MMRN2: variants seen among roughly 807,000 people sequenced by gnomAD.
The protein encoded by MMRN2 is multimerin 2.
Under a neutral mutation model 68.8 loss-of-function variants are expected in MMRN2, and 53 were observed. That is an observed-to-expected ratio of 0.77 (90% CI 0.62 to 0.97). MMRN2 has a LOEUF of 0.97. MMRN2 is among the 50% of genes least tolerant of loss of function. MMRN2 has a pLI of 0.00. For missense variants in MMRN2, 1,266 were observed against 1,259.5 expected (o/e 1.01, Z -0.08); for synonymous variants, 564 against 551.6 (o/e 1.02, Z -0.32).
Position 86,942,409 on chromosome 10 carries a change from C to A in MMRN2, c.2375G>T (p.Arg792Leu), listed in dbSNP as rs771425042. Residue 792 changes from arginine to leucine, a missense_variant, in exon 6 of 7, where the codon CGG (arginine) becomes CTG (leucine). Arg to Leu is a moderately radical substitution (Grantham distance 102, BLOSUM62 -2). Coordinates refer to ENST00000372027, the MANE Select transcript of MMRN2 (RefSeq NM_024756.3). ...CTCCGCTTCCTTCTTGTCCCTCTTC[C>A]GGGGAGCTTCCAGGTCTTTCTGCTG... Reference protein sequence around the residue: ...KKQQKDLEAPRKRDKKEAEPL... With the variant: ...KKQQKDLEAPLKRDKKEAEPL... 18 of 1,614,216 alleles carry A rather than the reference C, an allele frequency of 1.1e-5. 1 individual carries two copies. The South Asian group carries it at 1.9e-4, about 17-fold the overall frequency.
At position 86,943,647 on chromosome 10, in the gene MMRN2, G is replaced by A. The variant is rs1844018365; in HGVS notation, c.1137C>T (p.Asn379=). The change falls in exon 6 of 7, where the codon AAC becomes AAT. Residue 379 remains asparagine (N), a synonymous_variant. Transcript: ENST00000372027. The surrounding 1 kb of genome is among the most constrained non-coding windows in gnomAD (Gnocchi z 4.2). ...LQARLGQLQR[N]LSELHMTTAR... is the part of the protein sequence containing the mutation. ...CCGTGGTCATGTGCAGCTCTGAGAG[G>A]TTCCTCTGCAGCTGGCCCAGCCTGG... The A allele has an allele frequency of 1.2e-6, 2 of 1,613,106 alleles. No homozygotes were observed. Among genetic ancestry groups the A allele is most frequent in the African/African-American group, 1.3e-5 (1 of 75,064 alleles).
chr10:86,957,074 G>A (rs1201524993), intron 1 of MMRN2, among the ~76,000 whole-genome samples: 1 of 152,228 alleles, frequency 6.6e-6, no homozygotes, highest in Non-Finnish European at 1.5e-5. Context: ...AGCTGGCAAT[G>A]GCTTCAGCCA....
chr10:86,950,526 A>G (rs1844132444), intron 1 of MMRN2, among the ~76,000 whole-genome samples: 1 of 152,172 alleles, frequency 6.6e-6, no homozygotes, highest in South Asian at 2.1e-4. Flanking sequence ...AGAAAGCACA[A>G]GATCAGGAAA....
chr10:86,943,949 T>C lies in MMRN2; in HGVS notation c.835A>G (p.Ser279Gly), dbSNP rs1455939544. ...TGGAAGTCAGCCCTGGCCACGGCAC[T>C]GTCCTGGACTCTGGAGATGGCCTGG... ...NRQAISRVQD[S>G]AVARADFQEL... is the part of the protein sequence containing the mutation. Residue 279 changes from serine (S) to glycine (G), a missense_variant, in exon 6 of 7, where the codon AGT becomes GGT. Physicochemically the swap from Ser to Gly is moderately conservative, Grantham distance 56. Coordinates refer to ENST00000372027, the MANE Select transcript of MMRN2 (RefSeq NM_024756.3). The surrounding 1 kb of genome is among the most constrained non-coding windows in gnomAD (Gnocchi z 4.2). 1 of 1,614,192 alleles carries C rather than the reference T, an allele frequency of 6.2e-7. No homozygotes were observed. The highest frequency in any genetic ancestry group is 1.1e-5 in the South Asian group (1 of 91,088).
At chr10:86,944,543 TGATGTC>T in intron 4 of MMRN2, 108 bp from the exon 5 acceptor site, 1 of 1,231,776 alleles carries the variant, frequency 8.1e-7, no homozygotes, top group Non-Finnish European at 1.2e-6. Flanking sequence ...AGTTAGCTGC[TGATGTC>T]CTCTGAGCAG....
chr10:86,953,549 GGGA>G lies in MMRN2; in HGVS notation c.164+3826_164+3828del, dbSNP rs552017053. Reference sequence around the variant, plus strand: ...CTCTCTTAGACCAGTGGTTCTCAATGGGAGGAGAGGGTACTTTCCCCAGGTGCA... The same window carrying G: ...CTCTCTTAGACCAGTGGTTCTCAATGGGAGAGGGTACTTTCCCCAGGTGCA... On this transcript the variant is annotated intron_variant, in intron 1 of 6. Coordinates refer to ENST00000372027, the MANE Select transcript of MMRN2 (RefSeq NM_024756.3). Among the ~76,000 whole-genome samples, 489 of 152,280 alleles carry G rather than the reference GGGA, an allele frequency of 3.2e-3. 2 individuals carry two copies. The highest frequency in any genetic ancestry group is 6.0e-3 in the Non-Finnish European group (406 of 68,018).
chr10:86,955,357 C>A (rs1844206994), intron 1 of MMRN2, among the ~76,000 whole-genome samples: 1 of 152,214 alleles, frequency 6.6e-6, no homozygotes, highest in South Asian at 2.1e-4. Flanking sequence ...TGGGCTGGGC[C>A]CCTCGGGGTC....
chr10:86,939,257 A>C (rs1460205553), intron 6 of MMRN2, among the ~76,000 whole-genome samples: 5 of 151,494 alleles, frequency 3.3e-5, no homozygotes, highest in Non-Finnish European at 4.4e-5. Flanking sequence ...AGGTCAGGAG[A>C]TAGAGACCAG....
At position 86,957,262 on chromosome 10, in the gene MMRN2, T is replaced by C. The variant is rs552641072; in HGVS notation, c.164+116A>G. ...GCCTCACAGATGGCCCAGAGATAGATACTATTAGCCCATTTCACAGATGGG... is the reference window on the plus strand; with the variant it reads ...GCCTCACAGATGGCCCAGAGATAGACACTATTAGCCCATTTCACAGATGGG... On this transcript the variant is annotated intron_variant, in intron 1 of 6. Transcript: ENST00000372027. The C allele has an allele frequency of 5.2e-5, 55 of 1,067,402 alleles. No individual in the cohort carries two copies. The South Asian group carries it at 6.6e-4, about 13-fold the overall frequency. 66.1% of individuals were successfully genotyped at this position (1,067,402 alleles called of 1,614,324 possible).
rs1843879974 is a variant in MMRN2 at position 86,936,473 on chromosome 10, G to T, written c.*270C>A. 1 of 553,024 alleles carries T rather than the reference G, an allele frequency of 1.8e-6. No individual in the cohort carries two copies. The highest frequency in any genetic ancestry group is 3.1e-5 in the Admixed American group (1 of 32,008). 34.3% of individuals were successfully genotyped at this position (553,024 alleles called of 1,614,324 possible). A position where few individuals can be genotyped will look rare whatever the true frequency, so the allele number is the denominator to read the frequency against. ...GGTGTGGTGAAGAGTTGGAGCCCAG[G>T]CCGTGCTGTCTGAGAAGGCATGCCA... On this transcript the variant is annotated 3_prime_UTR_variant, in exon 7 of 7. Transcript: ENST00000372027.
At chr10:86,944,506 A>C in intron 4 of MMRN2, 71 bp from the exon 5 acceptor site, 5 of 1,551,090 alleles carry the variant, frequency 3.2e-6, no homozygotes, top group Middle Eastern at 2.3e-4. Flanking sequence ...GGTTCAGAGA[A>C]GGAGAGTTGA....
At chr10:86,938,024 TC>T (rs940215574) in intron 6 of MMRN2, among the ~76,000 whole-genome samples, 5 of 152,128 alleles carry the variant, frequency 3.3e-5, no homozygotes, top group African/African-American at 1.2e-4. Flanking sequence ...AGCCTCAACT[TC>T]CTGGGCTCAA....
At chr10:86,950,628 G>C (rs1844133903) in intron 1 of MMRN2, among the ~76,000 whole-genome samples, 1 of 152,188 alleles carries the variant, frequency 6.6e-6, no homozygotes, top group African/African-American at 2.4e-5. Flanking sequence ...AACACACCTG[G>C]AGGCTCTGGG....
intron 5 of MMRN2, 37 bp downstream of exon 5, chr10:86,944,225 C>A: frequency 6.3e-7 from 1 of 1,593,280 alleles, no homozygotes; most frequent in South Asian, 1.1e-5. Flanking sequence ...CTCAATGTGA[C>A]CAGGCTCTTC....
rs752015057 is a variant in MMRN2 at position 86,943,122 on chromosome 10, GC to G, written c.1661del (p.Gly554AlafsTer25). ...GCGACGTGGCCGCCCGCGCCCGCTC[GC>G]CCTCCGCTTTGTGCGCGTCCACGGC... is the stretch of plus-strand genomic sequence containing the variant. ...SLAVDAHKAEGERARAATSRL... is the reference protein window; with the variant it reads ...SLAVDAHKAEXERARAATSRL... On this transcript the variant is annotated frameshift_variant, in exon 6 of 7. Coordinates refer to ENST00000372027, the MANE Select transcript of MMRN2 (RefSeq NM_024756.3). LOFTEE classifies it high-confidence loss of function. This position sits in a 1 kb window ranked among gnomAD's most constrained non-coding sequence, Gnocchi z 4.2. The G allele has an allele frequency of 1.9e-6, 3 of 1,544,998 alleles. No homozygotes were observed. The African/African-American group carries it at 4.1e-5, about 21-fold the overall frequency.
intron 1 of MMRN2, among the ~76,000 whole-genome samples, chr10:86,946,987 G>A (rs755124983): frequency 2.6e-5 from 4 of 152,204 alleles, no homozygotes; most frequent in Non-Finnish European, 4.4e-5. Context: ...GCAGAAGGAG[G>A]CTGGGATGAA....
intron 6 of MMRN2, among the ~76,000 whole-genome samples, chr10:86,939,160 CAAAAAAAA>C (rs71019439): frequency 2.1e-5 from 2 of 96,512 alleles, no homozygotes; most frequent in African/African-American, 8.5e-5. Context: ...GAAACTCCGT[CAAAAAAAA>C]AAAAAAAAAA....
intron 1 of MMRN2, among the ~76,000 whole-genome samples, chr10:86,956,434 GC>G (rs546222540): frequency 7.9e-5 from 12 of 151,674 alleles, no homozygotes; most frequent in African/African-American, 1.5e-4. Context: ...GTGTAAGTTG[GC>G]CCCCCCCTCA....
intron 6 of MMRN2, among the ~76,000 whole-genome samples, chr10:86,939,461 CAAAAAAAAAAAAAAAAAAAAA>C (rs34692290): frequency 4.0e-5 from 3 of 74,576 alleles, no homozygotes; most frequent in Non-Finnish European, 7.2e-5. Flanking sequence ...GACTCCGTCT[CAAAAAAAAAAAAAAAAAAAAA>C]AAAAAAAAAA....
Sources: allele counts gnomAD v4.1 joint callset (sites outside exome capture counted in the v4.1 genomes callset), GRCh38; gene constraint gnomAD v4.1.1; non-coding constraint Gnocchi (gnomAD v3.1); transcripts MANE v1.5; gene names NCBI Gene and HGNC (gene_info 2026-07-23, HGNC 2026-07-21).